The following GPHN variants were observed in gnomAD, a reference collection of about 807,000 sequenced individuals.
The protein encoded by GPHN is gephyrin.
A neutral mutation model predicts 95.5 loss-of-function variants in GPHN; 17 were observed. That is an observed-to-expected ratio of 0.18 (90% CI 0.12 to 0.27). The LOEUF is 0.27. GPHN is among the 10% of genes least tolerant of loss of function. GPHN has a pLI of 1.00. For missense variants in GPHN, 660 were observed against 978.1 expected, an observed-to-expected ratio of 0.67 and a Z score of 4.34; for synonymous variants, 320 against 322.5, an observed-to-expected ratio of 0.99 and a Z score of 0.08.
At chr14:67,431,389 CTCAAAAAAAAAA>C in the GPHN span, among the ~76,000 whole-genome samples, 1 of 63,376 alleles carries the variant, frequency 1.6e-5, no homozygotes, top group African/African-American at 8.2e-5. Flanking sequence ...GAGACTCTGT[CTCAAAAAAAAAA>C]AAAAAAAAAA....
At chr14:66,752,934 TAAAA>T (rs370594333) in intron 2 of GPHN, among the ~76,000 whole-genome samples, 48 of 134,136 alleles carry the variant, frequency 3.6e-4, no homozygotes, top group African/African-American at 1.2e-3. Context: ...TAGGAGTGGT[TAAAA>T]AAAAAAAAAA....
At chr14:66,595,050 A>T (rs1156263109) in intron 1 of GPHN, among the ~76,000 whole-genome samples, 2 of 152,206 alleles carry the variant, frequency 1.3e-5, no homozygotes, top group Non-Finnish European at 2.9e-5. Flanking sequence ...TGAAAAAGTG[A>T]TGAACATTAC....
At chr14:66,728,446 C>T (rs991803723) in intron 2 of GPHN, among the ~76,000 whole-genome samples, 11 of 152,336 alleles carry the variant, frequency 7.2e-5, no homozygotes, top group African/African-American at 2.6e-4. Flanking sequence ...AATGCCAGCC[C>T]ATGGCAGCAG....
At chr14:67,695,795 C>A in the GPHN span, 3 of 1,243,246 alleles carry the variant, frequency 2.4e-6, no homozygotes, top group Non-Finnish European at 3.5e-6. Context: ...ATTCAAATTG[C>A]GACAGCCCGG....
chr14:67,641,889 C>T, the GPHN span, among the ~76,000 whole-genome samples: 1 of 151,982 alleles, frequency 6.6e-6, no homozygotes, highest in Non-Finnish European at 1.5e-5. Flanking sequence ...ATTGTTGGTT[C>T]TTTTTGATAT....
At chr14:67,371,457 C>T in the GPHN span, among the ~76,000 whole-genome samples, 19 of 151,994 alleles carry the variant, frequency 1.3e-4, no homozygotes, top group East Asian at 3.9e-4. Context: ...GGAACACTTT[C>T]GAAATACAGT....
At position 66,570,480 on chromosome 14, in the gene GPHN, A is replaced by G. The variant is rs552287346; in HGVS notation, c.64+61889A>G. ...CCACCACGCCCAGCTAATTTTTTGT[A>G]TTTTTGGGAGGGACAGGGTTTCACT... is the stretch of plus-strand genomic sequence containing the variant. On this transcript the variant is annotated intron_variant, in intron 1 of 22. Transcript: ENST00000478722. 5.9e-5 allele frequency among the ~76,000 whole-genome samples: 9 copies of G among 151,664 alleles called. No individual in the cohort carries two copies. The South Asian group carries it at 1.9e-3, about 32-fold the overall frequency.
chr14:66,588,929 C>T (rs893090260), intron 1 of GPHN, among the ~76,000 whole-genome samples: 33 of 151,926 alleles, frequency 2.2e-4, no homozygotes, highest in African/African-American at 7.7e-4. Context: ...GACACATAAT[C>T]GTCAGATTCA....
At chr14:67,154,635 G>C (rs1437310287) in intron 18 of GPHN, among the ~76,000 whole-genome samples, 2 of 151,834 alleles carry the variant, frequency 1.3e-5, no homozygotes, top group South Asian at 2.1e-4. Flanking sequence ...ATATATAAAA[G>C]AGAAGTTTCC....
At chr14:66,729,584 A>G (rs1210323383) in intron 2 of GPHN, among the ~76,000 whole-genome samples, 1 of 152,234 alleles carries the variant, frequency 6.6e-6, no homozygotes, top group Admixed American at 6.5e-5. Flanking sequence ...GAAATAGTCT[A>G]TATGTTGCTT....
chr14:66,677,290 CCTT>C (rs1413697723), intron 1 of GPHN, among the ~76,000 whole-genome samples: 19 of 151,838 alleles, frequency 1.3e-4, no homozygotes, highest in Non-Finnish European at 2.5e-4. Flanking sequence ...TCTGATGTTT[CCTT>C]CTTCTTATTT....
Position 67,029,227 on chromosome 14 carries a change from T to C in GPHN, c.1006+5552T>C, listed in dbSNP as rs181528798. ...GGCTTTATACAAATACCATGCTGTTTTGCGTACTACAGCTTTGTAGCTGCT... is the reference window on the plus strand; with the variant it reads ...GGCTTTATACAAATACCATGCTGTTCTGCGTACTACAGCTTTGTAGCTGCT... On this transcript the variant is annotated intron_variant, in intron 10 of 22. Transcript: ENST00000478722. 4.6e-5 allele frequency among the ~76,000 whole-genome samples: 7 copies of C among 152,306 alleles called. No homozygotes were observed. The East Asian group carries it at 1.3e-3, about 29-fold the overall frequency.
Position 66,730,286 on chromosome 14 carries a change from C to A in GPHN, c.144-46178C>A, listed in dbSNP as rs75604986. 3.6e-3 allele frequency among the ~76,000 whole-genome samples: 547 copies of A among 152,278 alleles called. 8 individuals carry two copies. The highest frequency in any genetic ancestry group is 0.013 in the African/African-American group (520 of 41,544). Reference sequence around the variant, plus strand: ...TGGGTTCTTCCTTTTGTGTCAGCCTCCAGGAAACTCACTCAAGCCTTTGAA... The same window carrying A: ...TGGGTTCTTCCTTTTGTGTCAGCCTACAGGAAACTCACTCAAGCCTTTGAA... On this transcript the variant is annotated intron_variant, in intron 2 of 22. Coordinates refer to ENST00000478722, the MANE Select transcript of GPHN (RefSeq NM_020806.5).
chr14:66,593,253 TAACA>T (rs2061833990), intron 1 of GPHN, among the ~76,000 whole-genome samples: 1 of 151,622 alleles, frequency 6.6e-6, no homozygotes, highest in Admixed American at 6.6e-5. Flanking sequence ...TATACCTATG[TAACA>T]AACCTGCACG....
At chr14:67,600,752 G>C in the GPHN span, among the ~76,000 whole-genome samples, 1 of 152,116 alleles carries the variant, frequency 6.6e-6, no homozygotes, top group East Asian at 1.9e-4. Flanking sequence ...GCTGATTTTT[G>C]TATTTTTAGT....
intron 1 of GPHN, among the ~76,000 whole-genome samples, chr14:66,563,319 T>C (rs1331963230): frequency 1.3e-5 from 2 of 152,226 alleles, no homozygotes; most frequent in African/African-American, 4.8e-5. Context: ...GTGTAGGGGT[T>C]GCTACATGGT....
chr14:67,012,442 G>A (rs1301186024), intron 9 of GPHN, among the ~76,000 whole-genome samples: 1 of 152,104 alleles, frequency 6.6e-6, no homozygotes, highest in Non-Finnish European at 1.5e-5. Context: ...GGAACCCTAA[G>A]TCTGAACACC....
At chr14:66,662,527 A>C (rs1000939100) in intron 1 of GPHN, among the ~76,000 whole-genome samples, 11 of 152,314 alleles carry the variant, frequency 7.2e-5, no homozygotes, top group African/African-American at 2.6e-4. Flanking sequence ...AAGAATCAGC[A>C]CAAGAACGCT....
rs144753892 is a variant in GPHN, at chr14:66,527,975, A to G, written c.64+19384A>G. Among the ~76,000 whole-genome samples the G allele has an allele frequency of 1.3e-3, 195 of 152,244 alleles. 4 individuals carry two copies. The East Asian group carries it at 0.035, about 27-fold the overall frequency. ...GGGGTGGAGAGTTCTGAAGATGTCT[A>G]TTAGGTCTGCTTGGTCCAGAGCTGA... On this transcript the variant is annotated intron_variant, in intron 1 of 22. Coordinates refer to ENST00000478722, the MANE Select transcript of GPHN (RefSeq NM_020806.5).
Sources: gnomAD v4.1 joint callset for allele counts (sites outside exome capture counted in the v4.1 genomes callset) on GRCh38, gnomAD v4.1.1 for gene constraint, MANE v1.5 for transcripts, NCBI Gene and HGNC (gene_info 2026-07-23, HGNC 2026-07-21) for gene names.